Variants in NAP1L4 observed in about 807,000 individuals in gnomAD.
NAP1L4 encodes nucleosome assembly protein 1-like 4.
NAP1L4 carries 15 observed loss-of-function variants against 58.2 expected under a neutral mutation model. The observed-to-expected ratio is 0.26, with a 90% CI of 0.17 to 0.40. The LOEUF (loss-of-function observed/expected upper bound fraction) is 0.40, where lower values mean the gene tolerates loss of function less well. Among genes scored for constraint, NAP1L4 ranks in the 10% least tolerant of loss-of-function variants. The pLI is 1.00. For synonymous variants in NAP1L4, 171 were observed against 155.6 expected, an observed-to-expected ratio of 1.10 and a Z score of -0.74; for missense variants, 384 against 451.1, an observed-to-expected ratio of 0.85 and a Z score of 1.35.
intron 1 of NAP1L4, among the ~76,000 whole-genome samples, chr11:2,986,782 TA>T (rs1404349373): frequency 1.6e-5 from 1 of 62,754 alleles, no homozygotes; most frequent in Non-Finnish European, 2.9e-5. Context: ...CATGCCCAGC[TA>T]ATTTTTTTTT....
intron 1 of NAP1L4, chr11:2,990,077 T>C (rs1023604523): frequency 1.3e-5 from 2 of 152,170 alleles, no homozygotes; most frequent in African/African-American, 4.8e-5. Context: ...ATATTCATTT[T>C]GAAAAACAGT....
intron 8 of NAP1L4, among the ~76,000 whole-genome samples, chr11:2,963,082 C>A: frequency 9.1e-6 from 1 of 109,526 alleles, no homozygotes. Context: ...CCTGGTGACA[C>A]AGTGAGACTC....
chr11:2,949,005 G>C lies in NAP1L4; in HGVS notation c.*32+222C>G, dbSNP rs573396515. Among the ~76,000 whole-genome samples the C allele has an allele frequency of 2.7e-4, 41 of 152,304 alleles. 1 individual carries two copies. The highest frequency in any genetic ancestry group is 2.6e-3 in the Admixed American group (39 of 15,292). The stretch of plus-strand genomic sequence containing the variant: ...AAAATTACACCCAAGTTACATCTTT[G>C]CTACTTGGTTAGCAAGAAACACTGG... On this transcript the variant is annotated intron_variant, in intron 15 of 15. Coordinates refer to ENST00000380542, the MANE Select transcript of NAP1L4 (RefSeq NM_005969.4). This position sits in a 1 kb window ranked among gnomAD's most constrained non-coding sequence, Gnocchi z 4.0.
rs144850981 is a variant in NAP1L4 at position 2,944,707 on chromosome 11, C to G, written c.*972G>C. 5 of 152,236 alleles carry G rather than the reference C, an allele frequency of 3.3e-5. No individual in the cohort carries two copies. Among genetic ancestry groups the G allele is most frequent in the Non-Finnish European group, 7.3e-5 (5 of 68,046 alleles). The allele number at this position is 152,236 out of a possible 1,614,324, so 9.4% of individuals were successfully genotyped here. Reference sequence around the variant, plus strand: ...GGGCTACTGAGAAAGCAGGACTTGACGCTCATACGCTCCACTGAAACGCAG... The same window carrying G: ...GGGCTACTGAGAAAGCAGGACTTGAGGCTCATACGCTCCACTGAAACGCAG... On this transcript the variant is annotated 3_prime_UTR_variant, in exon 16 of 16. Coordinates refer to ENST00000380542, the MANE Select transcript of NAP1L4 (RefSeq NM_005969.4).
intron 1 of NAP1L4, chr11:2,983,740 T>TAGATA (rs1848460639): frequency 6.6e-6 from 1 of 151,874 alleles, no homozygotes; most frequent in Non-Finnish European, 1.5e-5. Context: ...TGGTTTCAAA[T>TAGATA]CCTACCCCTA....
In NAP1L4 at chr11:2,951,395, CA is replaced by C; in HGVS notation, c.1066-81del. 2 of 1,184,848 alleles carry C rather than the reference CA, an allele frequency of 1.7e-6. No individual in the cohort carries two copies. 73.4% of individuals were successfully genotyped at this position (1,184,848 alleles called of 1,614,324 possible). On this transcript the variant is annotated intron_variant, in intron 13 of 15. Transcript: ENST00000380542. This position sits in a 1 kb window ranked among gnomAD's most constrained non-coding sequence, Gnocchi z 4.0. ...ATTCACAATCCACAAACACAAGGAG[CA>C]AAACACTGCCTTAGATGGAAATCAA...
intron 1 of NAP1L4, among the ~76,000 whole-genome samples, chr11:2,980,570 A>G (rs1848243596): frequency 6.6e-6 from 1 of 152,212 alleles, no homozygotes; most frequent in Non-Finnish European, 1.5e-5. Context: ...GTAAAATAAT[A>G]CAGGTGTGGT....
chr11:2,966,725 G>A (rs989973970), intron 7 of NAP1L4, among the ~76,000 whole-genome samples: 1 of 152,168 alleles, frequency 6.6e-6, no homozygotes, highest in Admixed American at 6.5e-5. Flanking sequence ...AGAAGCATGC[G>A]CTGGCTCTAG....
intron 2 of NAP1L4, among the ~76,000 whole-genome samples, chr11:2,978,803 T>C (rs1320710081): frequency 2.0e-5 from 3 of 152,168 alleles, no homozygotes; most frequent in Non-Finnish European, 4.4e-5. Context: ...ATGAAACAGT[T>C]TTTAAAGATG....
intron 7 of NAP1L4, among the ~76,000 whole-genome samples, 177 bp downstream of exon 7, chr11:2,969,626 A>C (rs878960825): frequency 3.3e-5 from 5 of 152,152 alleles, no homozygotes; most frequent in Admixed American, 3.3e-4. Flanking sequence ...CCCCACTGTG[A>C]ATAAACCATT....
intron 1 of NAP1L4, chr11:2,991,249 G>A (rs1168680402): frequency 2.3e-6 from 1 of 426,450 alleles, no homozygotes; most frequent in East Asian, 7.3e-5. Flanking sequence ...ATCAGACTTA[G>A]AGAACTGTGG....
chr11:2,966,240 C>T (rs1847271369), intron 7 of NAP1L4, among the ~76,000 whole-genome samples: 1 of 152,180 alleles, frequency 6.6e-6, no homozygotes, highest in African/African-American at 2.4e-5. Context: ...GATGCACGTA[C>T]ACAATGTGTA....
rs937580634 is a variant in NAP1L4 at position 2,986,688 on chromosome 11, G to A, written c.-18+5566C>T. Among the ~76,000 whole-genome samples, 6 of 149,428 alleles carry A rather than the reference G, an allele frequency of 4.0e-5. No homozygotes were observed. In the South Asian group the frequency reaches 1.1e-3, roughly 26 times the overall value. On this transcript the variant is annotated intron_variant, in intron 1 of 15. Coordinates refer to ENST00000380542, the MANE Select transcript of NAP1L4 (RefSeq NM_005969.4). Reference sequence around the variant, plus strand: ...GTTGCCCAGGCTGGCGTGCAGTGGCGCGATCTCGGCTCACTGCAACCTCCA... The same window carrying A: ...GTTGCCCAGGCTGGCGTGCAGTGGCACGATCTCGGCTCACTGCAACCTCCA...
chr11:2,983,978 T>C (rs1326274665), intron 1 of NAP1L4, among the ~76,000 whole-genome samples: 5 of 139,888 alleles, frequency 3.6e-5, no homozygotes, highest in Non-Finnish European at 7.8e-5. Flanking sequence ...AGAGTGAGAC[T>C]GTCTCAAAAC....
chr11:2,963,008 G>A (rs1003195659), intron 8 of NAP1L4, among the ~76,000 whole-genome samples: 2 of 150,174 alleles, frequency 1.3e-5, no homozygotes, highest in African/African-American at 4.9e-5. Flanking sequence ...GCTGAGGCAG[G>A]AGAATCGCTT....
Position 2,951,279 on chromosome 11 carries a change from C to T in NAP1L4, c.1102G>A (p.Asp368Asn). Residue 368 changes from aspartate to asparagine, a missense_variant, in exon 14 of 16, where the codon GAT (aspartate) becomes AAT (asparagine). Physicochemically the swap from Asp to Asn is conservative, Grantham distance 23 (BLOSUM62 1). This residue lies in a region of NAP1L4 where 296 missense variants were observed against 360.8 expected (regional missense o/e 0.82). Transcript: ENST00000380542. The surrounding 1 kb of genome is among the most constrained non-coding windows in gnomAD (Gnocchi z 4.0). The part of the protein sequence containing the change: ...EGDEEGEDED[D>N]AEINPKV ...CCAACCTTGGGGTTAATTTCCGCAT[C>T]ATCCTCGTCTTCTCCCTCCTCGTCA... is the stretch of plus-strand genomic sequence containing the variant. 1.9e-6 allele frequency: 3 copies of T among 1,614,156 alleles called. No individual in the cohort carries two copies. Among genetic ancestry groups the T allele is most frequent in the South Asian group, 1.1e-5 (1 of 91,080 alleles).
chr11:2,963,780 CAAG>C (rs1564979764), intron 8 of NAP1L4: 1 of 519,300 alleles, frequency 1.9e-6, no homozygotes, highest in Non-Finnish European at 3.8e-6. Flanking sequence ...CATTTGTCTC[CAAG>C]ACCTGAAACT....
chr11:2,988,363 C>T (rs1848770222), intron 1 of NAP1L4, among the ~76,000 whole-genome samples: 2 of 152,166 alleles, frequency 1.3e-5, no homozygotes, highest in South Asian at 2.1e-4. Flanking sequence ...ATTGCAACCA[C>T]CAAAGTCCCT....
intron 2 of NAP1L4, 115 bp downstream of exon 2, chr11:2,979,092 A>T: frequency 1.9e-6 from 2 of 1,072,028 alleles, no homozygotes; most frequent in Non-Finnish European, 2.8e-6. Flanking sequence ...ATGAGCCATC[A>T]GCTAGACGCT....
Sources: gnomAD v4.1 joint callset for allele counts (sites outside exome capture counted in the v4.1 genomes callset) on GRCh38, gnomAD v4.1.1 for gene constraint, gnomAD v4.1.1 regional missense constraint, Gnocchi (gnomAD v3.1) non-coding constraint, MANE v1.5 for transcripts, NCBI Gene and HGNC (gene_info 2026-07-23, HGNC 2026-07-21) for gene names.